LAMA1: variants seen among roughly 807,000 people sequenced by gnomAD.
LAMA1 encodes laminin subunit alpha-1.
Under a neutral mutation model 348.7 loss-of-function variants are expected in LAMA1, and 219 were observed. The ratio of observed to expected loss-of-function variants is 0.63; its 90% confidence interval spans 0.56 to 0.70. LAMA1 has a LOEUF of 0.70. Among genes scored for constraint, LAMA1 ranks in the 30% least tolerant of loss-of-function variants. The pLI, the probability that LAMA1 is intolerant of heterozygous loss-of-function variation, is 0.00. For missense variants in LAMA1, 3,744 were observed against 3,888.0 expected (o/e 0.96, Z 0.99); for synonymous variants, 1,487 against 1,491.0 (o/e 1.00, Z 0.06).
intron 3 of LAMA1, among the ~76,000 whole-genome samples, chr18:7,067,418 A>G (rs2058126847): frequency 6.6e-6 from 1 of 151,940 alleles, no homozygotes; most frequent in Admixed American, 6.6e-5. Context: ...AAAAGGACGC[A>G]CTGTGATTCC....
At chr18:7,098,706 CGG>C (rs2058275564) in intron 1 of LAMA1, among the ~76,000 whole-genome samples, 1 of 147,118 alleles carries the variant, frequency 6.8e-6, no homozygotes, top group Non-Finnish European at 1.5e-5. Context: ...CCACCCCATC[CGG>C]GAGGGAGGTG....
Position 7,012,142 on chromosome 18 carries a change from C to T in LAMA1, c.3364-4G>A. On this transcript the variant is annotated splice_polypyrimidine_tract_variant and splice_region_variant and intron_variant, in intron 23 of 62. Transcript: ENST00000389658. ...ACTGAGGACCAAAGACATTTTCCTA[C>T]AGGGGAGCAAATAAAGGACTCGTTT... 1 of 1,613,872 alleles carries T rather than the reference C, an allele frequency of 6.2e-7. No homozygotes were observed. The highest frequency in any genetic ancestry group is 2.2e-5 in the East Asian group (1 of 44,872).
At chr18:7,097,366 G>A (rs914016955) in intron 1 of LAMA1, among the ~76,000 whole-genome samples, 1 of 152,068 alleles carries the variant, frequency 6.6e-6, no homozygotes, top group Non-Finnish European at 1.5e-5. Flanking sequence ...TTTTGGGGGA[G>A]AAATTAGAGA....
Position 7,008,580 on chromosome 18 carries a change from T to C in LAMA1, c.4030A>G (p.Arg1344Gly), listed in dbSNP as rs889001948. Residue 1344 changes from arginine (R) to glycine (G), a missense_variant, in exon 28 of 63, where the codon AGA (arginine) becomes GGA (glycine). This residue lies in a region of LAMA1 where 1,983 missense variants were observed against 1,934.3 expected (regional missense o/e 1.03). Coordinates refer to ENST00000389658, the MANE Select transcript of LAMA1 (RefSeq NM_005559.4). The part of the protein sequence containing the change: ...RISDISMEVG[R>G]KAEKLHPEEE... The stretch of plus-strand genomic sequence containing the variant: ...TCTGGGTGCAGCTTTTCAGCCTTTC[T>C]GCCAACCTCCATTGAAATGTCTGAG... 6.2e-7 allele frequency: 1 copy of C among 1,614,082 alleles called. No individual in the cohort carries two copies. Among genetic ancestry groups the C allele is most frequent in the Non-Finnish European group, 8.5e-7 (1 of 1,179,990 alleles).
Position 7,076,120 on chromosome 18 carries a change from G to A in LAMA1, c.345+3855C>T, listed in dbSNP as rs2058166916. The stretch of plus-strand genomic sequence containing the variant: ...CATCCCTCATGGAGTATATAGTCTA[G>A]AAAACAACTGGTAGTTGGCTAATGG... On this transcript the variant is annotated intron_variant, in intron 3 of 62. Coordinates refer to ENST00000389658, the MANE Select transcript of LAMA1 (RefSeq NM_005559.4). Among the ~76,000 whole-genome samples the A allele has an allele frequency of 1.3e-5, 2 of 152,112 alleles. 1 individual carries two copies. The highest frequency in any genetic ancestry group is 4.1e-4 in the South Asian group (2 of 4,834).
chr18:7,091,817 A>G (rs1039244871), intron 1 of LAMA1, among the ~76,000 whole-genome samples: 2 of 152,230 alleles, frequency 1.3e-5, no homozygotes, highest in African/African-American at 4.8e-5. Flanking sequence ...CTGCAATAAG[A>G]AATTGTCCTT....
At chr18:7,036,472 T>A (rs932332093) in intron 12 of LAMA1, among the ~76,000 whole-genome samples, 1 of 152,242 alleles carries the variant, frequency 6.6e-6, no homozygotes, top group African/African-American at 2.4e-5. Context: ...ATCCTCCTCA[T>A]AGGACAACAA....
At chr18:7,030,174 G>A (rs2057962462) in intron 16 of LAMA1, among the ~76,000 whole-genome samples, 1 of 152,146 alleles carries the variant, frequency 6.6e-6, no homozygotes, top group African/African-American at 2.4e-5. Flanking sequence ...AAGATCCCCA[G>A]GAAGAAGACA....
chr18:7,037,989 T>C (rs774533898), intron 11 of LAMA1, among the ~76,000 whole-genome samples: 11 of 151,944 alleles, frequency 7.2e-5, no homozygotes, highest in Admixed American at 2.0e-4. Flanking sequence ...TATAAGCAAA[T>C]AAATGAGCAA....
intron 53 of LAMA1, among the ~76,000 whole-genome samples, chr18:6,961,071 ATGCTC>A (rs1212734909): frequency 6.6e-6 from 1 of 152,202 alleles, no homozygotes; most frequent in African/African-American, 2.4e-5. Flanking sequence ...AATATCACCT[ATGCTC>A]TTGAAAAGGA....
intron 39 of LAMA1, 117 bp from the exon 40 acceptor site, chr18:6,983,351 G>T: frequency 9.6e-7 from 1 of 1,039,022 alleles, no homozygotes; most frequent in Non-Finnish European, 1.5e-6. Context: ...TTTCCCCTTA[G>T]AAGAGTATCA....
intron 25 of LAMA1, 24 bp downstream of exon 25, chr18:7,011,276 C>T (rs764964156): frequency 6.2e-7 from 1 of 1,608,942 alleles, no homozygotes; most frequent in Non-Finnish European, 8.5e-7. Flanking sequence ...CACCGACTGG[C>T]TCTCGGCTGG....
In LAMA1 at chr18:6,956,858, T is replaced by A. The variant is rs72887122; in HGVS notation, c.7965-93A>T. On this transcript the variant is annotated intron_variant, in intron 55 of 62. Coordinates refer to ENST00000389658, the MANE Select transcript of LAMA1 (RefSeq NM_005559.4). ...CTGATAACTGTACAATGAAAATCAATTAAAAACCATGTATATATTTCTCTT... is the reference window on the plus strand; with the variant it reads ...CTGATAACTGTACAATGAAAATCAAATAAAAACCATGTATATATTTCTCTT... The A allele has an allele frequency of 6.2e-4, 862 of 1,389,982 alleles. 1 individual carries two copies. The highest frequency in any genetic ancestry group is 1.7e-3 in the Admixed American group (98 of 57,234). 86.1% of individuals were successfully genotyped at this position (1,389,982 alleles called of 1,614,324 possible).
chr18:7,069,105 G>A (rs1247062590), intron 3 of LAMA1, among the ~76,000 whole-genome samples: 6 of 152,078 alleles, frequency 3.9e-5, no homozygotes, highest in Non-Finnish European at 8.8e-5. Context: ...GCCAAACCTT[G>A]GCAGCTCAAA....
chr18:7,105,375 G>T (rs1489468820), intron 1 of LAMA1, among the ~76,000 whole-genome samples: 8 of 152,034 alleles, frequency 5.3e-5, no homozygotes, highest in Non-Finnish European at 1.0e-4. Flanking sequence ...GGAGGCGGAG[G>T]TTGCAGTGAG....
intron 56 of LAMA1, chr18:6,956,067 T>G (rs1600346803): frequency 6.7e-6 from 2 of 297,606 alleles, no homozygotes; most frequent in South Asian, 3.2e-5. Context: ...GATGCTACCA[T>G]GAAAACTGCC....
rs1313917888 is a variant in LAMA1, at chr18:7,033,033, T to A, written c.2114A>T (p.Asp705Val). 2 of 1,612,598 alleles carry A rather than the reference T, an allele frequency of 1.2e-6. No individual in the cohort carries two copies. The highest frequency in any genetic ancestry group is 1.7e-6 in the Non-Finnish European group (2 of 1,179,386). The change falls in exon 15 of 63, where the codon GAT (aspartate) becomes GTT (valine). Residue 705 changes from aspartate to valine, a missense_variant. Transcript: ENST00000389658. Reference sequence around the variant, plus strand: ...TTGCGGACATTCACAGTGCTCCACATCAGCGGCCACCACCAGGTCGATGGC... The same window carrying A: ...TTGCGGACATTCACAGTGCTCCACAACAGCGGCCACCACCAGGTCGATGGC... ...SNAIDLVVAA[D>V]VEHCECPQGY...
At position 7,054,017 on chromosome 18, in the gene LAMA1, C is replaced by T. The variant is rs546536391; in HGVS notation, c.346-3081G>A. 2.0e-5 allele frequency among the ~76,000 whole-genome samples: 3 copies of T among 152,216 alleles called. No homozygotes were observed. In the East Asian group the frequency reaches 5.8e-4, roughly 29 times the overall value. ...AACTCCTGGGCTCAAGTGGTCTGCC[C>T]ACCTTGACCTCCCAAAGTGCTTGGA... On this transcript the variant is annotated intron_variant, in intron 3 of 62. Coordinates refer to ENST00000389658, the MANE Select transcript of LAMA1 (RefSeq NM_005559.4).
intron 1 of LAMA1, among the ~76,000 whole-genome samples, chr18:7,091,940 A>G (rs1373398951): frequency 6.6e-6 from 1 of 152,270 alleles, no homozygotes; most frequent in African/African-American, 2.4e-5. Context: ...GGCTGGATCC[A>G]CAGGATTAGA....
Sources: gnomAD v4.1 joint callset for allele counts (sites outside exome capture counted in the v4.1 genomes callset) on GRCh38, gnomAD v4.1.1 for gene constraint, gnomAD v4.1.1 regional missense constraint, MANE v1.5 for transcripts, NCBI Gene and HGNC (gene_info 2026-07-23, HGNC 2026-07-21) for gene names.